The following CDK14 variants were observed in gnomAD, a reference collection of about 807,000 sequenced individuals.
CDK14 encodes cyclin dependent kinase 14, also known as cyclin-dependent kinase 14.
A neutral mutation model predicts 60.7 loss-of-function variants in CDK14; 34 were observed. That is an observed-to-expected ratio of 0.56 (90% confidence interval 0.43 to 0.75). The LOEUF (loss-of-function observed/expected upper bound fraction) is 0.75, where lower values mean the gene tolerates loss of function less well. Ranked by LOEUF, CDK14 falls within the 30% of genes least tolerant of loss-of-function variation. The pLI is 0.00. For synonymous variants in CDK14, 197 were observed against 203.7 expected (o/e 0.97, Z 0.28); for missense variants, 482 against 564.1 (o/e 0.85, Z 1.47).
At chr7:90,893,169 C>T (rs966536782) in intron 6 of CDK14, among the ~76,000 whole-genome samples, 4 of 152,042 alleles carry the variant, frequency 2.6e-5, no homozygotes, top group Admixed American at 6.6e-5. Context: ...TTAAAACCAC[C>T]GACTTCATGG....
intron 14 of CDK14, among the ~76,000 whole-genome samples, chr7:91,164,717 G>A (rs1490862832): frequency 1.3e-5 from 2 of 152,228 alleles, no homozygotes; most frequent in African/African-American, 4.8e-5. Flanking sequence ...CCAGTGTCCA[G>A]ACTGGCAGCA....
At chr7:90,700,371 C>T (rs563688598) in intron 2 of CDK14, among the ~76,000 whole-genome samples, 6 of 152,206 alleles carry the variant, frequency 3.9e-5, no homozygotes, top group South Asian at 2.1e-4. Context: ...GGATTACAGG[C>T]GTGAGCCACT....
At chr7:90,884,617 G>T (rs937108137) in intron 6 of CDK14, among the ~76,000 whole-genome samples, 4 of 151,978 alleles carry the variant, frequency 2.6e-5, no homozygotes, top group Non-Finnish European at 5.9e-5. Context: ...AAGAACACCC[G>T]TTTAGCCAGG....
At position 90,839,679 on chromosome 7, in the gene CDK14, G is replaced by A. The variant is rs191592914; in HGVS notation, c.545-23496G>A. 5.8e-4 allele frequency among the ~76,000 whole-genome samples: 88 copies of A among 152,222 alleles called. 1 individual carries two copies. The highest frequency in any genetic ancestry group is 1.9e-3 in the African/African-American group (80 of 41,542). On this transcript the variant is annotated intron_variant, in intron 5 of 14. Coordinates refer to ENST00000380050, the MANE Select transcript of CDK14 (RefSeq NM_001287135.2). The stretch of plus-strand genomic sequence containing the variant: ...TTATTTTTCACACTTCTTCCAAATG[G>A]TATCATAGGATGCTATGCCTAGTTT...
intron 2 of CDK14, among the ~76,000 whole-genome samples, chr7:90,723,748 G>A (rs1257152641): frequency 6.6e-6 from 1 of 152,286 alleles, no homozygotes; most frequent in Admixed American, 6.5e-5. Flanking sequence ...TTACAGATTT[G>A]TGAATGTTAA....
chr7:90,896,580 CAATT>C (rs1286873695), intron 6 of CDK14, among the ~76,000 whole-genome samples: 1 of 151,848 alleles, frequency 6.6e-6, no homozygotes, highest in Non-Finnish European at 1.5e-5. Context: ...TTCTAGGTAA[CAATT>C]AGGGCTCACC....
chr7:90,990,137 A>C (rs988744259), intron 10 of CDK14, among the ~76,000 whole-genome samples: 2 of 152,168 alleles, frequency 1.3e-5, no homozygotes, highest in African/African-American at 4.8e-5. Flanking sequence ...AATACAGTAC[A>C]GTGTGGTAGT....
At chr7:90,629,793 G>A (rs749614055) in intron 2 of CDK14, among the ~76,000 whole-genome samples, 8 of 152,156 alleles carry the variant, frequency 5.3e-5, no homozygotes, top group Non-Finnish European at 1.0e-4. Flanking sequence ...TTGGGAGGCC[G>A]AGGTGGGTGG....
Position 91,207,414 on chromosome 7 carries a change from C to T in CDK14, c.*278C>T, listed in dbSNP as rs1196670618. 6.6e-6 allele frequency: 1 copy of T among 152,542 alleles called. No homozygotes were observed. The highest frequency in any genetic ancestry group is 1.5e-5 in the Non-Finnish European group (1 of 68,044). The allele number at this position is 152,542 out of a possible 1,614,324, so 9.4% of individuals were successfully genotyped here. ...ACTGATACATGGCATGTATTCTTTTCAGTCTTTTGTGTTTGATTTTGTTTG... is the reference window on the plus strand; with the variant it reads ...ACTGATACATGGCATGTATTCTTTTTAGTCTTTTGTGTTTGATTTTGTTTG... On this transcript the variant is annotated 3_prime_UTR_variant, in exon 15 of 15. Transcript: ENST00000380050.
At position 91,173,674 on chromosome 7, in the gene CDK14, T is replaced by C. The variant is rs555915356; in HGVS notation, c.*29-33491T>C. On this transcript the variant is annotated intron_variant, in intron 14 of 14. Transcript: ENST00000380050. Reference sequence around the variant, plus strand: ...ACAAGGGGTCAGGGAGTTCCCTTTCTGAGTCAAAGAAAGGGGTGACGGACG... The same window carrying C: ...ACAAGGGGTCAGGGAGTTCCCTTTCCGAGTCAAAGAAAGGGGTGACGGACG... 7.9e-5 allele frequency among the ~76,000 whole-genome samples: 12 copies of C among 152,284 alleles called. No homozygotes were observed. In the East Asian group the frequency reaches 2.1e-3, roughly 27 times the overall value.
intron 10 of CDK14, among the ~76,000 whole-genome samples, chr7:90,991,768 T>C (rs1000612098): frequency 1.3e-5 from 2 of 152,210 alleles, no homozygotes; most frequent in Non-Finnish European, 2.9e-5. Context: ...TCCATGGTTA[T>C]TCAAAGGAGA....
chr7:91,186,692 T>C (rs1206896741), intron 14 of CDK14, among the ~76,000 whole-genome samples: 2 of 152,222 alleles, frequency 1.3e-5, no homozygotes, highest in Non-Finnish European at 2.9e-5. Context: ...CTCCAGTCTT[T>C]CTCTTTCAGC....
chr7:90,865,054 G>T (rs549681419), intron 6 of CDK14, among the ~76,000 whole-genome samples: 1 of 152,202 alleles, frequency 6.6e-6, no homozygotes, highest in African/African-American at 2.4e-5. Flanking sequence ...CTGTCTACCT[G>T]TGTTGCCTTA....
At chr7:90,928,227 A>G (rs1010557839) in intron 8 of CDK14, among the ~76,000 whole-genome samples, 16 of 152,162 alleles carry the variant, frequency 1.1e-4, no homozygotes, top group Admixed American at 9.2e-4. Flanking sequence ...TCAACTCATC[A>G]AAGTCATTCT....
chr7:90,597,501 A>G (rs1192534959), intron 1 of CDK14: 2 of 152,238 alleles, frequency 1.3e-5, no homozygotes, highest in East Asian at 3.8e-4. Context: ...TACTGGGCAT[A>G]GAAAACCCCT....
intron 14 of CDK14, among the ~76,000 whole-genome samples, chr7:91,175,746 C>A (rs1349690895): frequency 6.7e-6 from 1 of 148,882 alleles, no homozygotes; most frequent in East Asian, 2.0e-4. Flanking sequence ...ATCAATTCAA[C>A]AAGAAGAGCT....
At chr7:91,063,346 A>G (rs914984145) in intron 11 of CDK14, among the ~76,000 whole-genome samples, 1 of 152,216 alleles carries the variant, frequency 6.6e-6, no homozygotes, top group Non-Finnish European at 1.5e-5. Context: ...TTTGCCCCCA[A>G]AATGTTAAAG....
chr7:90,638,097 G>T (rs1800204171), intron 2 of CDK14, among the ~76,000 whole-genome samples: 1 of 151,730 alleles, frequency 6.6e-6, no homozygotes, highest in Non-Finnish European at 1.5e-5. Flanking sequence ...TTGCCAGTCT[G>T]TGTCTTTTAA....
intron 2 of CDK14, chr7:90,608,443 T>C: frequency 5.4e-6 from 2 of 369,056 alleles, no homozygotes; most frequent in Non-Finnish European, 7.5e-6. Flanking sequence ...TTGGAAATGG[T>C]GATAGCTACA....
Sources: allele counts gnomAD v4.1 joint callset (sites outside exome capture counted in the v4.1 genomes callset), GRCh38; gene constraint gnomAD v4.1.1; transcripts MANE v1.5; gene names NCBI Gene and HGNC (gene_info 2026-07-23, HGNC 2026-07-21).